SH3BGRL2: variants seen among roughly 807,000 people sequenced by gnomAD.
SH3BGRL2 encodes SH3 domain-binding glutamic acid-rich-like protein 2.
SH3BGRL2 carries 21 observed loss-of-function variants against 14.8 expected under a neutral mutation model. The ratio of observed to expected loss-of-function variants is 1.42; its 90% confidence interval spans 1.01 to 2.05. SH3BGRL2 has a LOEUF of 2.05. SH3BGRL2 is among the 30% of genes most tolerant of loss of function. The pLI is 0.00. For missense variants in SH3BGRL2, 147 were observed against 130.8 expected (o/e 1.12, Z -0.61); for synonymous variants, 50 against 47.8 (o/e 1.05, Z -0.19).
At chr6:79,545,296 T>C in the SH3BGRL2 span, among the ~76,000 whole-genome samples, 1 of 152,228 alleles carries the variant, frequency 6.6e-6, no homozygotes, top group Admixed American at 6.5e-5. Context: ...ACTTCAGCTG[T>C]CCTTTTGTAT....
chr6:79,613,054 G>T, the SH3BGRL2 span, among the ~76,000 whole-genome samples: 11 of 152,168 alleles, frequency 7.2e-5, no homozygotes, highest in Non-Finnish European at 1.3e-4. Flanking sequence ...GTCCACTGTG[G>T]AATGCCAGTC....
intron 1 of SH3BGRL2, among the ~76,000 whole-genome samples, chr6:79,651,958 C>T (rs1769305876): frequency 6.6e-6 from 1 of 152,132 alleles, no homozygotes; most frequent in Non-Finnish European, 1.5e-5. Flanking sequence ...AGCAGCATCC[C>T]TGGCTTCTAC....
chr6:79,672,191 C>G (rs999918361), intron 1 of SH3BGRL2, among the ~76,000 whole-genome samples: 1 of 152,156 alleles, frequency 6.6e-6, no homozygotes. Context: ...TGCCACCTCT[C>G]TCTCATTAAA....
At chr6:79,595,989 G>A in the SH3BGRL2 span, among the ~76,000 whole-genome samples, 1 of 152,056 alleles carries the variant, frequency 6.6e-6, no homozygotes, top group African/African-American at 2.4e-5. Flanking sequence ...GTAGGACACA[G>A]ATCAACATAC....
At chr6:79,641,820 T>G (rs1769038934) in intron 1 of SH3BGRL2, among the ~76,000 whole-genome samples, 1 of 152,158 alleles carries the variant, frequency 6.6e-6, no homozygotes, top group Admixed American at 6.6e-5. Flanking sequence ...TTATATACAG[T>G]ACATACTACT....
At chr6:79,596,370 G>T in the SH3BGRL2 span, among the ~76,000 whole-genome samples, 2 of 150,492 alleles carry the variant, frequency 1.3e-5, no homozygotes, top group African/African-American at 4.9e-5. Flanking sequence ...ATATTGCCCA[G>T]ACTGGTCTTG....
the SH3BGRL2 span, among the ~76,000 whole-genome samples, chr6:79,594,216 T>G: frequency 6.6e-6 from 1 of 152,158 alleles, no homozygotes; most frequent in Admixed American, 6.6e-5. Context: ...CATTGTTGAA[T>G]TAGAAGACAA....
At chr6:79,625,569 T>C in the SH3BGRL2 span, among the ~76,000 whole-genome samples, 2 of 152,198 alleles carry the variant, frequency 1.3e-5, no homozygotes, top group Non-Finnish European at 2.9e-5. Context: ...AAGAGGCTTA[T>C]ACAAAACCAG....
chr6:79,690,837 A>G (rs2127738201), intron 2 of SH3BGRL2, among the ~76,000 whole-genome samples: 1 of 152,248 alleles, frequency 6.6e-6, no homozygotes, highest in South Asian at 2.1e-4. Flanking sequence ...AGATTGCTTG[A>G]GCCCTGGAGT....
At chr6:79,600,870 TAATA>T in the SH3BGRL2 span, among the ~76,000 whole-genome samples, 1 of 152,136 alleles carries the variant, frequency 6.6e-6, no homozygotes. Context: ...CCCTTTCTAT[TAATA>T]AATCCTCACT....
intron 2 of SH3BGRL2, among the ~76,000 whole-genome samples, chr6:79,689,653 T>C (rs1013263508): frequency 6.6e-6 from 1 of 152,078 alleles, no homozygotes; most frequent in Non-Finnish European, 1.5e-5. Context: ...TCAAAATCTG[T>C]CTATTTTATA....
At chr6:79,597,948 C>A in the SH3BGRL2 span, among the ~76,000 whole-genome samples, 1 of 152,136 alleles carries the variant, frequency 6.6e-6, no homozygotes, top group African/African-American at 2.4e-5. Context: ...GGCAAAGGAT[C>A]TGAATGGGCA....
At chr6:79,596,419 C>G in the SH3BGRL2 span, among the ~76,000 whole-genome samples, 1 of 152,160 alleles carries the variant, frequency 6.6e-6, no homozygotes, top group Non-Finnish European at 1.5e-5. Flanking sequence ...CTCAGCACCT[C>G]CAAGTAGCTG....
At chr6:79,569,669 A>G in the SH3BGRL2 span, among the ~76,000 whole-genome samples, 1 of 152,066 alleles carries the variant, frequency 6.6e-6, no homozygotes. Flanking sequence ...CAGGCCAACA[A>G]CTTTTTTCAG....
chr6:79,550,030 T>G, the SH3BGRL2 span, among the ~76,000 whole-genome samples: 98 of 152,314 alleles, frequency 6.4e-4, no homozygotes, highest in Non-Finnish European at 1.3e-3. Context: ...AATAGTGATT[T>G]TTTTGATTAG....
At chr6:79,555,278 C>T in the SH3BGRL2 span, among the ~76,000 whole-genome samples, 1 of 151,932 alleles carries the variant, frequency 6.6e-6, no homozygotes, top group African/African-American at 2.4e-5. Flanking sequence ...AGCAAAACTC[C>T]GTCTCTACTA....
chr6:79,630,029 G>A (rs765051107), upstream of SH3BGRL2, among the ~76,000 whole-genome samples: 8 of 152,012 alleles, frequency 5.3e-5, no homozygotes, highest in Non-Finnish European at 1.0e-4. Flanking sequence ...CACATTTATG[G>A]TAGCAAAATT....
chr6:79,689,636 T>C (rs1430849185), intron 2 of SH3BGRL2, among the ~76,000 whole-genome samples: 1 of 151,986 alleles, frequency 6.6e-6, no homozygotes, highest in Non-Finnish European at 1.5e-5. Context: ...ATTTTGAGGC[T>C]GCAGCCTCAA....
intron 1 of SH3BGRL2, among the ~76,000 whole-genome samples, chr6:79,656,652 A>G (rs1022840311): frequency 6.6e-6 from 1 of 152,226 alleles, no homozygotes; most frequent in Non-Finnish European, 1.5e-5. Flanking sequence ...AAAACAATAA[A>G]GGGTAACCAC....
Sources: gnomAD v4.1 joint callset for allele counts (sites outside exome capture counted in the v4.1 genomes callset) on GRCh38, gnomAD v4.1.1 for gene constraint, MANE v1.5 for transcripts, NCBI Gene and HGNC (gene_info 2026-07-23, HGNC 2026-07-21) for gene names.